Variants in ABAT observed in about 807,000 individuals in gnomAD.
The protein encoded by ABAT is 4-aminobutyrate aminotransferase, mitochondrial.
In ABAT, 45 loss-of-function variants were observed where a neutral mutation model predicts 64.6. That is an observed-to-expected ratio of 0.70 (90% confidence interval 0.55 to 0.89). ABAT has a LOEUF of 0.89. Among genes scored for constraint, ABAT ranks in the 40% least tolerant of loss-of-function variants. The pLI, the probability that ABAT is intolerant of heterozygous loss-of-function variation, is 0.00. For synonymous variants in ABAT, 297 were observed against 250.5 expected (o/e 1.19, Z -1.75); for missense variants, 633 against 658.4 (o/e 0.96, Z 0.42).
intron 3 of ABAT, 44 bp from the exon 4 acceptor site, chr16:8,748,064 A>G (rs2059382368): frequency 6.3e-7 from 1 of 1,596,544 alleles, no homozygotes; most frequent in Non-Finnish European, 8.6e-7. Context: ...TATTTTGGCA[A>G]GAGTGTGGAC....
chr16:8,725,635 G>C (rs988876003), intron 1 of ABAT, among the ~76,000 whole-genome samples: 3 of 152,134 alleles, frequency 2.0e-5, no homozygotes, highest in African/African-American at 7.2e-5. Flanking sequence ...CGACATCTGG[G>C]CTTTTTCTAC....
chr16:8,711,772 A>G (rs28759271), intron 1 of ABAT, among the ~76,000 whole-genome samples: 52,988 of 121,484 alleles, frequency 0.44, 13,576 homozygotes, highest in East Asian at 0.73. Flanking sequence ...AGATGGATGG[A>G]TGGATGGATG....
At chr16:8,682,092 G>A (rs571931706) in intron 1 of ABAT, among the ~76,000 whole-genome samples, 18 of 152,112 alleles carry the variant, frequency 1.2e-4, no homozygotes, top group Non-Finnish European at 2.2e-4. Flanking sequence ...GTCCCCTGGG[G>A]AACAAGATTG....
intron 1 of ABAT, chr16:8,715,633 TAAAAAAAAAAAAA>T (rs61191788): frequency 1.2e-5 from 1 of 81,530 alleles, no homozygotes; most frequent in Non-Finnish European, 2.3e-5. Context: ...ACCCTGTCTC[TAAAAAAAAAAAAA>T]AAAAAAAAAA....
chr16:8,738,599 T>C, intron 2 of ABAT: 1 of 344,374 alleles, frequency 2.9e-6, no homozygotes. Context: ...CCTTTTTTCT[T>C]TTTTGTTTTT....
intron 1 of ABAT, among the ~76,000 whole-genome samples, chr16:8,734,561 G>A (rs1470769031): frequency 6.6e-6 from 1 of 152,120 alleles, no homozygotes; most frequent in African/African-American, 2.4e-5. Context: ...CATGGAGCAT[G>A]GTTGTACATG....
intron 1 of ABAT, among the ~76,000 whole-genome samples, chr16:8,676,565 G>T (rs1033163551): frequency 6.6e-6 from 1 of 152,180 alleles, no homozygotes; most frequent in Non-Finnish European, 1.5e-5. Context: ...GGGTGTCAGC[G>T]CATCCCTGCT....
chr16:8,717,645 G>A (rs1237085107), intron 1 of ABAT, among the ~76,000 whole-genome samples: 1 of 152,110 alleles, frequency 6.6e-6, no homozygotes, highest in Non-Finnish European at 1.5e-5. Context: ...ACCTCTTTCT[G>A]TTCCTTCTTT....
chr16:8,705,901 G>A (rs1210224294), intron 1 of ABAT, among the ~76,000 whole-genome samples: 1 of 152,152 alleles, frequency 6.6e-6, no homozygotes, highest in Non-Finnish European at 1.5e-5. Flanking sequence ...GAGCCTCGGT[G>A]CCCTTGGATT....
At chr16:8,777,082 A>C (rs1412515488) in intron 14 of ABAT, among the ~76,000 whole-genome samples, 1 of 151,736 alleles carries the variant, frequency 6.6e-6, no homozygotes, top group Non-Finnish European at 1.5e-5. Context: ...TGTATTTTGA[A>C]TAGAGACAGG....
At chr16:8,701,429 G>C (rs1278610341) in intron 1 of ABAT, among the ~76,000 whole-genome samples, 2 of 152,200 alleles carry the variant, frequency 1.3e-5, no homozygotes, top group East Asian at 1.9e-4. Context: ...TATTGGCCAG[G>C]CCCTGCCCTT....
intron 4 of ABAT, 66 bp downstream of exon 4, chr16:8,748,203 G>T: frequency 7.0e-7 from 1 of 1,425,394 alleles, no homozygotes; most frequent in Non-Finnish European, 9.9e-7. Flanking sequence ...AAAGACAGAT[G>T]CTTAATCTGT....
chr16:8,761,173 TC>T (rs2059785435), intron 6 of ABAT, among the ~76,000 whole-genome samples: 1 of 143,004 alleles, frequency 7.0e-6, no homozygotes, highest in Non-Finnish European at 1.5e-5. Context: ...GCCAGGAGCT[TC>T]CCCCACCTTC....
chr16:8,768,760 T>C, intron 10 of ABAT, 65 bp from the exon 11 acceptor site: 1 of 1,610,552 alleles, frequency 6.2e-7, no homozygotes, highest in South Asian at 1.1e-5. Context: ...ATCATCTCCT[T>C]TACAAAGACG....
At position 8,735,698 on chromosome 16, in the gene ABAT, G is replaced by A; in HGVS notation, c.-41-1G>A. On this transcript the variant is annotated splice_acceptor_variant, in intron 1 of 15. Coordinates refer to ENST00000268251, the MANE Select transcript of ABAT (RefSeq NM_020686.6). LOFTEE classifies it low-confidence loss of function (5UTR_SPLICE). ...AAGTCTGCATTTCTGGTTTCTTTCAGGGTGGCAGCACGCAAAGGGTGTCCC... is the reference window on the plus strand; with the variant it reads ...AAGTCTGCATTTCTGGTTTCTTTCAAGGTGGCAGCACGCAAAGGGTGTCCC... The A allele has an allele frequency of 1.3e-6, 2 of 1,563,430 alleles. No homozygotes were observed. Among genetic ancestry groups the A allele is most frequent in the South Asian group, 1.2e-5 (1 of 85,258 alleles).
chr16:8,768,716 C>T, intron 10 of ABAT, 109 bp from the exon 11 acceptor site: 2 of 1,493,760 alleles, frequency 1.3e-6, no homozygotes, highest in Middle Eastern at 1.7e-4. Context: ...CAACAGGCCT[C>T]CCTGCCCACT....
intron 1 of ABAT, among the ~76,000 whole-genome samples, chr16:8,719,250 G>A (rs370412742): frequency 7.9e-5 from 12 of 152,146 alleles, no homozygotes; most frequent in Non-Finnish European, 1.3e-4. Context: ...GCGTTGGCCC[G>A]GGTAGCTACT....
intron 2 of ABAT, among the ~76,000 whole-genome samples, chr16:8,742,821 G>T (rs962648581): frequency 7.0e-6 from 1 of 143,762 alleles, no homozygotes; most frequent in Non-Finnish European, 1.5e-5. Flanking sequence ...AGCTGAGATC[G>T]CACCACTGCA....
At chr16:8,675,508 G>A (rs1042039520) in intron 1 of ABAT, among the ~76,000 whole-genome samples, 11 of 151,452 alleles carry the variant, frequency 7.3e-5, no homozygotes, top group Non-Finnish European at 1.5e-4. Context: ...TCCTCCCACC[G>A]CTCCCAATCC....
Sources: gnomAD v4.1 joint callset for allele counts (sites outside exome capture counted in the v4.1 genomes callset) on GRCh38, gnomAD v4.1.1 for gene constraint, MANE v1.5 for transcripts, NCBI Gene and HGNC (gene_info 2026-07-23, HGNC 2026-07-21) for gene names.